The following SESTD1 variants were observed in gnomAD, a reference collection of about 807,000 sequenced individuals.
SESTD1 encodes the protein SEC14 domain and spectrin repeat-containing protein 1.
A neutral mutation model predicts 101.7 loss-of-function variants in SESTD1; 43 were observed. That is an observed-to-expected ratio of 0.42 (90% CI 0.33 to 0.55). The LOEUF (loss-of-function observed/expected upper bound fraction) is 0.55, where lower values mean the gene tolerates loss of function less well. SESTD1 is among the 20% of genes least tolerant of loss of function. The pLI, the probability that SESTD1 is intolerant of heterozygous loss-of-function variation, is 0.07. For missense variants in SESTD1, 647 were observed against 815.1 expected (o/e 0.79, Z 2.51); for synonymous variants, 283 against 286.8 (o/e 0.99, Z 0.13).
At chr2:179,125,299 C>T (rs1472916064) in intron 10 of SESTD1, among the ~76,000 whole-genome samples, 1 of 152,160 alleles carries the variant, frequency 6.6e-6, no homozygotes, top group Non-Finnish European at 1.5e-5. Flanking sequence ...AATCTACTGA[C>T]CTCTCTACCA....
chr2:179,172,322 C>CCTG, intron 4 of SESTD1, 89 bp from the exon 5 acceptor site: 1 of 779,188 alleles, frequency 1.3e-6, no homozygotes, highest in Non-Finnish European at 2.0e-6. Context: ...CAAGATTATG[C>CCTG]TACATAAGAG....
chr2:179,230,196 C>T (rs947891867), intron 1 of SESTD1, among the ~76,000 whole-genome samples: 2 of 132,826 alleles, frequency 1.5e-5, no homozygotes, highest in South Asian at 2.5e-4. Flanking sequence ...TGCGGTAGCG[C>T]GATCTCAGCT....
chr2:179,114,867 T>C (rs2044593425), intron 16 of SESTD1, among the ~76,000 whole-genome samples, 198 bp downstream of exon 16: 1 of 152,232 alleles, frequency 6.6e-6, no homozygotes, highest in African/African-American at 2.4e-5. Flanking sequence ...ATCATGGCTC[T>C]CCAGCACTGG....
chr2:179,240,171 A>G (rs2047130248), intron 1 of SESTD1, among the ~76,000 whole-genome samples: 1 of 152,210 alleles, frequency 6.6e-6, no homozygotes, highest in Non-Finnish European at 1.5e-5. Flanking sequence ...GGTGTAACAG[A>G]GACACACAGG....
rs1374396814 is a variant in SESTD1, at chr2:179,108,884, TATA to T, written c.*1012_*1014del. 18 of 152,224 alleles carry T rather than the reference TATA, an allele frequency of 1.2e-4. No homozygotes were observed. In the East Asian group the frequency reaches 2.5e-3, roughly 21 times the overall value. The allele number at this position is 152,224 out of a possible 1,614,324, so 9.4% of individuals were successfully genotyped here. ...TTCAGAATTTATTTTGCTTTTAGAC[TATA>T]ATGAGAAACTAAATTTTATTAACAA... On this transcript the variant is annotated 3_prime_UTR_variant, in exon 18 of 18. Coordinates refer to ENST00000428443, the MANE Select transcript of SESTD1 (RefSeq NM_178123.5).
At chr2:179,264,195 C>G (rs572577637) in intron 1 of SESTD1, 2 of 152,216 alleles carry the variant, frequency 1.3e-5, no homozygotes, top group South Asian at 4.1e-4. Flanking sequence ...GGCCCGGTCT[C>G]TGCGGGCCGC....
chr2:179,263,413 C>T (rs2047510089), intron 1 of SESTD1, among the ~76,000 whole-genome samples: 1 of 152,062 alleles, frequency 6.6e-6, no homozygotes, highest in Non-Finnish European at 1.5e-5. Flanking sequence ...AAGATTTAGC[C>T]AGCCAAAACA....
intron 15 of SESTD1, among the ~76,000 whole-genome samples, chr2:179,116,045 G>A (rs1188637508): frequency 6.6e-6 from 1 of 152,044 alleles, no homozygotes. Flanking sequence ...AGGCCGAGGC[G>A]GGTGGATCGC....
chr2:179,212,249 G>A lies in SESTD1; in HGVS notation c.-25-20383C>T, dbSNP rs558936661. On this transcript the variant is annotated intron_variant, in intron 1 of 17. Transcript: ENST00000428443. ...GGGGATTTTCCTTTCCTAGCCAAGG[G>A]AAGCCATGACAGACTGTACCTGGAA... Among the ~76,000 whole-genome samples the A allele has an allele frequency of 8.9e-5, 12 of 135,062 alleles. 3 individuals are homozygous for A. Among genetic ancestry groups the A allele is most frequent in the Middle Eastern group, 8.5e-3 (2 of 234 alleles). 88.6% of individuals were successfully genotyped at this position (135,062 alleles called of 152,430 possible).
chr2:179,243,395 T>G (rs999439527), intron 1 of SESTD1, among the ~76,000 whole-genome samples: 1 of 152,172 alleles, frequency 6.6e-6, no homozygotes, highest in African/African-American at 2.4e-5. Flanking sequence ...GACCCAGCAA[T>G]CCCATTACTG....
chr2:179,141,512 T>C (rs181360323), intron 9 of SESTD1, among the ~76,000 whole-genome samples: 1 of 152,288 alleles, frequency 6.6e-6, no homozygotes, highest in East Asian at 1.9e-4. Flanking sequence ...AGACATTTTT[T>C]TTTTTTTGAA....
rs961682933 is a variant in SESTD1, at chr2:179,107,063, A to G, written c.*2836T>C. ...AGGAATGTGGGAGGTTGTGACATAT[A>G]TACCAATTACAAATGAGTGGTTCTT... On this transcript the variant is annotated 3_prime_UTR_variant, in exon 18 of 18. Transcript: ENST00000428443. 3 of 152,190 alleles carry G rather than the reference A, an allele frequency of 2.0e-5. No homozygotes were observed. Among genetic ancestry groups the G allele is most frequent in the African/African-American group, 7.2e-5 (3 of 41,462 alleles). The allele number at this position is 152,190 out of a possible 1,614,324, so 9.4% of individuals were successfully genotyped here.
intron 1 of SESTD1, among the ~76,000 whole-genome samples, chr2:179,225,498 T>C (rs999860443): frequency 6.6e-6 from 1 of 152,330 alleles, no homozygotes; most frequent in South Asian, 2.1e-4. Context: ...TAATGAAATA[T>C]GTCTGGGTAT....
chr2:179,185,652 A>G lies in SESTD1; in HGVS notation c.56-2464T>C, dbSNP rs192430346. On this transcript the variant is annotated intron_variant, in intron 2 of 17. Transcript: ENST00000428443. ...TATAATATAGCATATTATATACAAT[A>G]TAGCATATACAATATATAATATAGC... Among the ~76,000 whole-genome samples, 552 of 127,452 alleles carry G rather than the reference A, an allele frequency of 4.3e-3. 4 individuals carry two copies. Among genetic ancestry groups the G allele is most frequent in the African/African-American group, 0.016 (521 of 31,618 alleles). The allele number at this position is 127,452 out of a possible 152,430, so 83.6% of individuals were successfully genotyped here. A position where few individuals can be genotyped will look rare whatever the true frequency, so the allele number is the denominator to read the frequency against.
chr2:179,243,666 C>T (rs1318974384), intron 1 of SESTD1, among the ~76,000 whole-genome samples: 1 of 148,052 alleles, frequency 6.8e-6, no homozygotes, highest in Non-Finnish European at 1.5e-5. Flanking sequence ...AACAGAAAAC[C>T]AAATACCGCA....
At chr2:179,139,818 T>A (rs1336414874) in intron 9 of SESTD1, among the ~76,000 whole-genome samples, 1 of 152,028 alleles carries the variant, frequency 6.6e-6, no homozygotes, top group Admixed American at 6.6e-5. Context: ...CCCTACATGA[T>A]CCCCTTAAAA....
chr2:179,198,824 A>G (rs2046449956), intron 1 of SESTD1, among the ~76,000 whole-genome samples: 2 of 152,050 alleles, frequency 1.3e-5, no homozygotes, highest in African/African-American at 4.8e-5. Context: ...AGGGAAATTT[A>G]TAGCACTAAA....
At chr2:179,139,427 G>C (rs1575436571) in intron 9 of SESTD1, among the ~76,000 whole-genome samples, 1 of 152,094 alleles carries the variant, frequency 6.6e-6, no homozygotes, top group Non-Finnish European at 1.5e-5. Context: ...AGAAAGAAGG[G>C]GGAGAAATGA....
rs1470118923 is a variant in SESTD1 at position 179,143,822 on chromosome 2, C to T, written c.638-19G>A. ...TCATGCCCTTTACAAATAAAAGATACTTGAAATTAATATCTGTAAAGAAAT... is the reference window on the plus strand; with the variant it reads ...TCATGCCCTTTACAAATAAAAGATATTTGAAATTAATATCTGTAAAGAAAT... On this transcript the variant is annotated intron_variant, in intron 8 of 17. Transcript: ENST00000428443. 1.2e-6 allele frequency: 2 copies of T among 1,606,590 alleles called. No homozygotes were observed. Among genetic ancestry groups the T allele is most frequent in the East Asian group, 4.5e-5 (2 of 44,796 alleles).
Sources: gnomAD v4.1 joint callset for allele counts (sites outside exome capture counted in the v4.1 genomes callset) on GRCh38, gnomAD v4.1.1 for gene constraint, MANE v1.5 for transcripts, NCBI Gene and HGNC (gene_info 2026-07-23, HGNC 2026-07-21) for gene names.